The following SDK1 variants were observed in gnomAD, a reference collection of about 807,000 sequenced individuals.
SDK1 encodes protein sidekick-1.
SDK1 carries 157 observed loss-of-function variants against 245.5 expected under a neutral mutation model. The observed-to-expected ratio is 0.64, with a 90% CI of 0.56 to 0.73. The LOEUF (loss-of-function observed/expected upper bound fraction) is 0.73. SDK1 is among the 30% of genes least tolerant of loss of function. The pLI, the probability that SDK1 is intolerant of heterozygous loss-of-function variation, is 0.00. For synonymous variants in SDK1, 1,647 were observed against 1,278.5 expected (o/e 1.29, Z -6.15); for missense variants, 3,583 against 3,002.3 (o/e 1.19, Z -4.52).
chr7:4,240,720 A>G (rs1204187098), intron 42 of SDK1, among the ~76,000 whole-genome samples: 1 of 152,118 alleles, frequency 6.6e-6, no homozygotes, highest in African/African-American at 2.4e-5. Flanking sequence ...CTGTACCTCA[A>G]AGAGCAAATA....
At chr7:3,818,494 A>G (rs1779565373) in intron 4 of SDK1, among the ~76,000 whole-genome samples, 1 of 152,174 alleles carries the variant, frequency 6.6e-6, no homozygotes, top group African/African-American at 2.4e-5. Flanking sequence ...CAGACTAACC[A>G]CTGTTAACCT....
intron 35 of SDK1, among the ~76,000 whole-genome samples, chr7:4,183,757 C>A (rs541447646): frequency 6.6e-6 from 1 of 152,046 alleles, no homozygotes; most frequent in African/African-American, 2.4e-5. Flanking sequence ...CACCCCCAAA[C>A]GAGGAGGGGG....
intron 5 of SDK1, among the ~76,000 whole-genome samples, chr7:3,922,756 G>A (rs914643486): frequency 8.5e-5 from 13 of 152,118 alleles, no homozygotes; most frequent in African/African-American, 2.9e-4. Flanking sequence ...TCCCTTTGCT[G>A]GTTCTCAGTA....
chr7:4,188,664 A>T (rs1181452175), intron 35 of SDK1, among the ~76,000 whole-genome samples: 1 of 151,172 alleles, frequency 6.6e-6, no homozygotes, highest in Admixed American at 6.6e-5. Flanking sequence ...TATGTTTTCC[A>T]TTAAACTCTT....
rs1352180936 is a variant in SDK1 at position 3,301,641 on chromosome 7, C to T, written c.55C>T (p.Pro19Ser). Residue 19 changes from proline (P) to serine (S), a missense_variant, in exon 1 of 45, where the codon CCC becomes TCC. Physicochemically the swap from Pro to Ser is moderately conservative, Grantham distance 74. Transcript: ENST00000404826. ...AAGGGGGGAE[P>S]PERAGPGRPR... ...CGGTGGCGGCGGCGGCGGCGCGGAG[C>T]CCCCTGAGCGCGCGGGCCCCGGGCG... 7 of 976,688 alleles carry T rather than the reference C, an allele frequency of 7.2e-6. No individual in the cohort carries two copies. The highest frequency in any genetic ancestry group is 6.4e-5 in the Admixed American group (1 of 15,600). The allele number at this position is 976,688 out of a possible 1,614,324, so 60.5% of individuals were successfully genotyped here. A position where few individuals can be genotyped will look rare whatever the true frequency, so the allele number is the denominator to read the frequency against.
intron 17 of SDK1, among the ~76,000 whole-genome samples, chr7:4,023,070 G>A (rs987150862): frequency 1.1e-4 from 16 of 152,026 alleles, no homozygotes; most frequent in African/African-American, 3.1e-4. Flanking sequence ...CAACACGCCC[G>A]GCCCTTGTTT....
chr7:3,670,150 C>T (rs1783653138), intron 4 of SDK1, among the ~76,000 whole-genome samples: 1 of 152,166 alleles, frequency 6.6e-6, no homozygotes, highest in South Asian at 2.1e-4. Context: ...TTTGTCTTCT[C>T]TCTCCATTCC....
At chr7:4,136,274 A>G (rs566207758) in intron 28 of SDK1, among the ~76,000 whole-genome samples, 2 of 152,318 alleles carry the variant, frequency 1.3e-5, no homozygotes, top group Non-Finnish European at 2.9e-5. Context: ...CCGGCACACC[A>G]CACGGCGGAG....
intron 1 of SDK1, among the ~76,000 whole-genome samples, chr7:3,503,001 G>A (rs990605066): frequency 6.6e-6 from 1 of 152,110 alleles, no homozygotes; most frequent in East Asian, 1.9e-4. Context: ...ACTTACACTG[G>A]TGATGTTATT....
chr7:3,679,521 C>T (rs1043786577), intron 4 of SDK1, among the ~76,000 whole-genome samples: 5 of 151,716 alleles, frequency 3.3e-5, no homozygotes, highest in South Asian at 2.1e-4. Flanking sequence ...GAGCCGAGAT[C>T]GTGCCACTGC....
In SDK1 at chr7:4,012,185, GC is replaced by G; in HGVS notation, c.2372del (p.Pro791HisfsTer37). The G allele has an allele frequency of 6.4e-7, 1 of 1,574,260 alleles. No individual in the cohort carries two copies. Among genetic ancestry groups the G allele is most frequent in the Non-Finnish European group, 8.6e-7 (1 of 1,160,696 alleles). ...ATCAGTCCATTATGGTCCAGTGGCA[GC>G]CACCCCCAGAAACAGAGCACAACGG... Reference protein sequence around the residue: ...TNQSIMVQWQPPPETEHNGVL... With the variant: ...TNQSIMVQWQXPPETEHNGVL... On this transcript the variant is annotated frameshift_variant, in exon 16 of 45. Coordinates refer to ENST00000404826, the MANE Select transcript of SDK1 (RefSeq NM_152744.4). LOFTEE classifies it high-confidence loss of function.
chr7:3,985,878 T>C (rs1327897141), intron 13 of SDK1, among the ~76,000 whole-genome samples: 4 of 152,190 alleles, frequency 2.6e-5, no homozygotes, highest in Admixed American at 2.0e-4. Context: ...TTTTTAAAAT[T>C]AAAAATATCA....
At chr7:3,669,556 C>G (rs1783632603) in intron 4 of SDK1, among the ~76,000 whole-genome samples, 1 of 152,060 alleles carries the variant, frequency 6.6e-6, no homozygotes, top group Non-Finnish European at 1.5e-5. Context: ...TTTTTTCTGG[C>G]TCTCTTCTTC....
chr7:3,586,773 C>T (rs1276146303), intron 1 of SDK1, among the ~76,000 whole-genome samples: 1 of 151,704 alleles, frequency 6.6e-6, no homozygotes. Context: ...ACAGAGTAGC[C>T]TTAACTGTCA....
intron 4 of SDK1, among the ~76,000 whole-genome samples, chr7:3,771,675 A>G (rs1286012619): frequency 6.6e-6 from 1 of 152,082 alleles, no homozygotes; most frequent in Non-Finnish European, 1.5e-5. Flanking sequence ...TTATTTCTTG[A>G]CATGTTTCTG....
chr7:3,842,152 T>C (rs1327789955), intron 5 of SDK1, among the ~76,000 whole-genome samples: 2 of 152,220 alleles, frequency 1.3e-5, no homozygotes, highest in African/African-American at 4.8e-5. Flanking sequence ...TTCCCAGGGC[T>C]GGCCTGAATC....
At chr7:3,690,324 T>C (rs1486766613) in intron 4 of SDK1, among the ~76,000 whole-genome samples, 3 of 152,194 alleles carry the variant, frequency 2.0e-5, no homozygotes, top group Non-Finnish European at 4.4e-5. Context: ...TTTTTTACTG[T>C]AACTAGAAAT....
chr7:3,980,170 A>T (rs1411008161), intron 13 of SDK1, among the ~76,000 whole-genome samples: 1 of 152,164 alleles, frequency 6.6e-6, no homozygotes, highest in African/African-American at 2.4e-5. Flanking sequence ...TACTTATCTG[A>T]TCCTCTTCTG....
intron 4 of SDK1, among the ~76,000 whole-genome samples, chr7:3,784,315 T>G (rs1780836353): frequency 6.6e-6 from 1 of 152,016 alleles, no homozygotes; most frequent in African/African-American, 2.4e-5. Flanking sequence ...TAGATATCCA[T>G]ACACAAAAGA....
Sources: allele counts gnomAD v4.1 joint callset (sites outside exome capture counted in the v4.1 genomes callset), GRCh38; gene constraint gnomAD v4.1.1; transcripts MANE v1.5; gene names NCBI Gene and HGNC (gene_info 2026-07-23, HGNC 2026-07-21).